NIPA2: variants seen among roughly 807,000 people sequenced by gnomAD.
NIPA2 encodes magnesium transporter NIPA2.
In NIPA2, 11 loss-of-function variants were observed where a neutral mutation model predicts 29.7. The ratio of observed to expected loss-of-function variants is 0.37; its 90% confidence interval spans 0.23 to 0.61. The LOEUF is 0.61. NIPA2 is among the 20% of genes least tolerant of loss of function. The pLI is 0.66. For synonymous variants in NIPA2, 183 were observed against 161.9 expected (o/e 1.13, Z -0.99); for missense variants, 426 against 437.9 (o/e 0.97, Z 0.24).
chr15:22,866,965 G>A lies in NIPA2; in HGVS notation c.*118G>A. On this transcript the variant is annotated 3_prime_UTR_variant, in exon 8 of 8. Transcript: ENST00000337451. ...GTTCTTTAAAGGCAATCTTTTTAAA[G>A]ATTTCACTAATTTGGACCAAGAAAT... 2.0e-6 allele frequency: 2 copies of A among 1,011,716 alleles called. No individual in the cohort carries two copies. The highest frequency in any genetic ancestry group is 3.5e-5 in the South Asian group (2 of 57,018). The allele number at this position is 1,011,716 out of a possible 1,614,324, so 62.7% of individuals were successfully genotyped here.
intron 7 of NIPA2, among the ~76,000 whole-genome samples, 178 bp from the exon 8 acceptor site, chr15:22,866,035 T>C (rs1367715334): frequency 6.6e-6 from 1 of 152,126 alleles, no homozygotes; most frequent in African/African-American, 2.4e-5. Flanking sequence ...AATCTTCCAG[T>C]GTGTCCATCT....
chr15:22,854,574 G>A (rs1210779106), intron 5 of NIPA2, among the ~76,000 whole-genome samples: 3 of 151,732 alleles, frequency 2.0e-5, no homozygotes, highest in Non-Finnish European at 4.4e-5. Context: ...GTGAAACCCC[G>A]TCTCTACTAA....
Position 22,865,970 on chromosome 15 carries a change from G to A in NIPA2, c.449-243G>A, listed in dbSNP as rs373483735. On this transcript the variant is annotated intron_variant, in intron 7 of 7. Coordinates refer to ENST00000337451, the MANE Select transcript of NIPA2 (RefSeq NM_030922.7). Reference sequence around the variant, plus strand: ...GCTAGAGCACTTAAGTCGGCATAAAGTGCTGCTGCAAAAATGTTAGGGGTA... The same window carrying A: ...GCTAGAGCACTTAAGTCGGCATAAAATGCTGCTGCAAAAATGTTAGGGGTA... Among the ~76,000 whole-genome samples the A allele has an allele frequency of 2.0e-5, 3 of 152,132 alleles. No individual in the cohort carries two copies. In the South Asian group the frequency reaches 6.2e-4, roughly 32 times the overall value.
At chr15:22,842,469 C>T (rs1391979230) in intron 2 of NIPA2, among the ~76,000 whole-genome samples, 1 of 151,920 alleles carries the variant, frequency 6.6e-6, no homozygotes, top group Admixed American at 6.6e-5. Context: ...GTGGGTGGAT[C>T]ACAAGGTCAG....
intron 7 of NIPA2, among the ~76,000 whole-genome samples, chr15:22,865,885 T>C (rs1264589103): frequency 6.6e-6 from 1 of 152,172 alleles, no homozygotes; most frequent in Non-Finnish European, 1.5e-5. Flanking sequence ...GGCCACCTCA[T>C]GGTTTCTCCT....
In NIPA2 at chr15:22,866,195, T is replaced by G; in HGVS notation, c.449-18T>G. The stretch of plus-strand genomic sequence containing the variant: ...AACCAACCATTTGACTCATGTAACT[T>G]TTCTTTGCCTCCTCCAGGTTTTGTG... On this transcript the variant is annotated intron_variant, in intron 7 of 7. Coordinates refer to ENST00000337451, the MANE Select transcript of NIPA2 (RefSeq NM_030922.7). 6.2e-7 allele frequency: 1 copy of G among 1,601,576 alleles called. No individual in the cohort carries two copies. The highest frequency in any genetic ancestry group is 8.5e-7 in the Non-Finnish European group (1 of 1,171,460).
intron 2 of NIPA2, among the ~76,000 whole-genome samples, chr15:22,840,307 T>TTA (rs1555376755): frequency 6.7e-6 from 1 of 149,974 alleles, no homozygotes. Context: ...TTTTTGTTTT[T>TTA]TTTTTTTTGA....
chr15:22,856,833 G>C (rs1437295437), intron 5 of NIPA2, among the ~76,000 whole-genome samples: 4 of 152,192 alleles, frequency 2.6e-5, no homozygotes, highest in Non-Finnish European at 5.9e-5. Flanking sequence ...CTCATACGCT[G>C]CTAAATGAAA....
At chr15:22,858,714 A>C in intron 6 of NIPA2, 84 bp downstream of exon 6, 2 of 797,368 alleles carry the variant, frequency 2.5e-6, no homozygotes, top group African/African-American at 3.6e-5. Flanking sequence ...AATATGTTCA[A>C]CACAATTTAC....
chr15:22,864,469 T>C (rs1426607857), intron 7 of NIPA2, among the ~76,000 whole-genome samples: 2 of 152,092 alleles, frequency 1.3e-5, no homozygotes, highest in South Asian at 2.1e-4. Context: ...TCCTCTGTTA[T>C]GTAAAAGTTG....
intron 2 of NIPA2, among the ~76,000 whole-genome samples, chr15:22,841,728 C>T (rs914436678): frequency 1.3e-5 from 2 of 152,068 alleles, no homozygotes; most frequent in Admixed American, 6.5e-5. Flanking sequence ...AGGCTGGTCT[C>T]GAACTCCTGA....
chr15:22,848,899 C>G (rs1039733615), intron 3 of NIPA2, among the ~76,000 whole-genome samples: 2 of 150,306 alleles, frequency 1.3e-5, no homozygotes, highest in African/African-American at 2.5e-5. Flanking sequence ...ACATTAAGAC[C>G]TATTTTGAGA....
rs1281583806 is a variant in NIPA2 at position 22,868,317 on chromosome 15, C to G, written c.*1470C>G. ...CTTTGTACATAAAAGAACCAGTTTT[C>G]TCCCCCTTGAGGACAGAGACTCATT... On this transcript the variant is annotated 3_prime_UTR_variant, in exon 8 of 8. Transcript: ENST00000337451. 6.6e-6 allele frequency: 1 copy of G among 152,188 alleles called. No homozygotes were observed. The highest frequency in any genetic ancestry group is 2.4e-5 in the African/African-American group (1 of 41,428). The allele number at this position is 152,188 out of a possible 1,614,324, so 9.4% of individuals were successfully genotyped here.
chr15:22,840,740 TAGAAG>T (rs1267603872), intron 2 of NIPA2, among the ~76,000 whole-genome samples: 6 of 152,162 alleles, frequency 3.9e-5, no homozygotes, highest in Non-Finnish European at 7.4e-5. Flanking sequence ...TCTTATTGCG[TAGAAG>T]AGAAATGAGT....
intron 2 of NIPA2, among the ~76,000 whole-genome samples, chr15:22,844,452 G>A (rs1898027511): frequency 6.6e-6 from 1 of 152,110 alleles, no homozygotes; most frequent in Admixed American, 6.6e-5. Context: ...TATGCGGGAG[G>A]CTGAGGCAGG....
Position 22,867,124 on chromosome 15 carries a change from T to TGAC in NIPA2, c.*278_*280dup. 2.1e-6 allele frequency: 1 copy of TGAC among 484,962 alleles called. No homozygotes were observed. Among genetic ancestry groups the TGAC allele is most frequent in the South Asian group, 4.4e-5 (1 of 22,690 alleles). 30.0% of individuals were successfully genotyped at this position (484,962 alleles called of 1,614,324 possible). A position where few individuals can be genotyped will look rare whatever the true frequency, so the allele number is the denominator to read the frequency against. Reference sequence around the variant, plus strand: ...CTTCTCCAAAAGCCGAATGCACTAATGACAGTTTTAAGTCTATGAAAATGC... The same window carrying TGAC: ...CTTCTCCAAAAGCCGAATGCACTAATGACGACAGTTTTAAGTCTATGAAAATGC... On this transcript the variant is annotated 3_prime_UTR_variant, in exon 8 of 8. Coordinates refer to ENST00000337451, the MANE Select transcript of NIPA2 (RefSeq NM_030922.7).
At chr15:22,850,999 AGCCT>A (rs2057692278) in intron 3 of NIPA2, among the ~76,000 whole-genome samples, 1 of 152,192 alleles carries the variant, frequency 6.6e-6, no homozygotes, top group South Asian at 2.1e-4. Flanking sequence ...AGTCTTGGTA[AGCCT>A]CTGCTTCCTG....
rs1281152978 is a variant in NIPA2 at position 22,866,925 on chromosome 15, T to C, written c.*78T>C. The stretch of plus-strand genomic sequence containing the variant: ...TCATCAGAATGTGTCTGAAAAAACA[T>C]TGTCCTCAAATAATGTTCTTTAAAG... On this transcript the variant is annotated 3_prime_UTR_variant, in exon 8 of 8. Coordinates refer to ENST00000337451, the MANE Select transcript of NIPA2 (RefSeq NM_030922.7). The C allele has an allele frequency of 1.5e-6, 2 of 1,334,000 alleles. No homozygotes were observed. The highest frequency in any genetic ancestry group is 2.4e-5 in the Admixed American group (1 of 42,312). The allele number at this position is 1,334,000 out of a possible 1,614,324, so 82.6% of individuals were successfully genotyped here. A position where few individuals can be genotyped will look rare whatever the true frequency, so the allele number is the denominator to read the frequency against.
chr15:22,859,142 C>T (rs913946825), intron 6 of NIPA2, among the ~76,000 whole-genome samples: 8 of 152,076 alleles, frequency 5.3e-5, no homozygotes, highest in African/African-American at 1.7e-4. Context: ...CCACTGCACT[C>T]CACCCTGGGC....
Sources: gnomAD v4.1 joint callset for allele counts (sites outside exome capture counted in the v4.1 genomes callset) on GRCh38, gnomAD v4.1.1 for gene constraint, MANE v1.5 for transcripts, NCBI Gene and HGNC (gene_info 2026-07-23, HGNC 2026-07-21) for gene names.